The following ATG3 variants were observed in gnomAD, a reference collection of about 807,000 sequenced individuals.
ATG3 encodes the protein autophagy related 3.
Under a neutral mutation model 50.7 loss-of-function variants are expected in ATG3, and 25 were observed. The ratio of observed to expected loss-of-function variants is 0.49; its 90% CI spans 0.36 to 0.69. ATG3 has a LOEUF of 0.69. Ranked by LOEUF, ATG3 falls within the 30% of genes least tolerant of loss-of-function variation. ATG3 has a pLI of 0.00. For missense variants in ATG3, 281 were observed against 376.0 expected (o/e 0.75, Z 2.09); for synonymous variants, 119 against 125.5 (o/e 0.95, Z 0.34).
At chr3:112,539,120 A>G (rs902356722) in intron 7 of ATG3, among the ~76,000 whole-genome samples, 6 of 152,282 alleles carry the variant, frequency 3.9e-5, no homozygotes, top group South Asian at 4.1e-4. Flanking sequence ...CCAAGCCACC[A>G]TCATTTCTTG....
rs548096132 is a variant in ATG3, at chr3:112,560,726, T to TA, written c.72+730dup. On this transcript the variant is annotated intron_variant, in intron 1 of 11. Transcript: ENST00000283290. ...GAAGGCAGTTGTAGAAATTTACCTT[T>TA]AAAAAAAAAATCAGTCACTACTGTA... 1.9e-4 allele frequency among the ~76,000 whole-genome samples: 29 copies of TA among 150,668 alleles called. No individual in the cohort carries two copies. The East Asian group carries it at 1.9e-3, about 10-fold the overall frequency.
At chr3:112,550,904 A>G (rs1237240101) in intron 3 of ATG3, among the ~76,000 whole-genome samples, 1 of 152,254 alleles carries the variant, frequency 6.6e-6, no homozygotes, top group Non-Finnish European at 1.5e-5. Flanking sequence ...AGTAGAACAT[A>G]TAAATATCCC....
At chr3:112,553,465 G>A in intron 2 of ATG3, 136 bp from the exon 3 acceptor site, 1 of 628,638 alleles carries the variant, frequency 1.6e-6, no homozygotes, top group East Asian at 2.7e-5. Context: ...AATATAAACA[G>A]CAACAAAGCT....
At chr3:112,551,932 A>C (rs1933540745) in intron 3 of ATG3, among the ~76,000 whole-genome samples, 1 of 152,172 alleles carries the variant, frequency 6.6e-6, no homozygotes, top group South Asian at 2.1e-4. Flanking sequence ...ACAAACTTGA[A>C]ACTTTAGTCT....
rs1415708957 is a variant in ATG3 at position 112,537,550 on chromosome 3, C to A, written c.666+185G>T. 8.8e-6 allele frequency: 4 copies of A among 454,396 alleles called. No homozygotes were observed. The South Asian group carries it at 2.4e-4, about 28-fold the overall frequency. The allele number at this position is 454,396 out of a possible 1,614,324, so 28.1% of individuals were successfully genotyped here. ...TTTATGTCTTAGCATTATTGTTACA[C>A]TGAATAATTCATAGTTCATTCAAAA... On this transcript the variant is annotated intron_variant, in intron 9 of 11. Transcript: ENST00000283290.
At chr3:112,546,820 A>C (rs781691029) in intron 5 of ATG3, among the ~76,000 whole-genome samples, 1 of 152,190 alleles carries the variant, frequency 6.6e-6, no homozygotes, top group Non-Finnish European at 1.5e-5. Flanking sequence ...GAGTTAAAAG[A>C]CTTTCACTAC....
In ATG3 at chr3:112,548,538, TTGTGA is replaced by T; in HGVS notation, c.333_337del (p.Tyr111Ter). ...TCATTTTATTCTCCTCTTACCTGTG[TTGTGA>T]TATGTATCTACCCATCCGCCATCAC... On this transcript the variant is annotated stop_gained and frameshift_variant, in exon 5 of 12. Transcript: ENST00000283290. LOFTEE classifies it high-confidence loss of function. The T allele has an allele frequency of 6.2e-7, 1 of 1,605,538 alleles. No homozygotes were observed. Among genetic ancestry groups the T allele is most frequent in the Non-Finnish European group, 8.5e-7 (1 of 1,172,258 alleles).
chr3:112,534,070 A>ACATG (rs2082574308), intron 11 of ATG3, 199 bp downstream of exon 11: 2 of 1,305,336 alleles, frequency 1.5e-6, no homozygotes, highest in Non-Finnish European at 1.9e-6. Context: ...ACACATGGGG[A>ACATG]CATGTTCTAA....
intron 2 of ATG3, among the ~76,000 whole-genome samples, chr3:112,555,382 T>C (rs927779327): frequency 2.0e-5 from 3 of 152,218 alleles, no homozygotes; most frequent in South Asian, 2.1e-4. Flanking sequence ...TGTTCTCTTA[T>C]TATCTTTATT....
chr3:112,538,235 T>C (rs1404416640), intron 7 of ATG3, 55 bp from the exon 8 acceptor site: 16 of 1,367,810 alleles, frequency 1.2e-5, no homozygotes, highest in Admixed American at 2.3e-5. Flanking sequence ...GAAAATTCCC[T>C]AAACCAATTT....
chr3:112,548,244 CG>C (rs1933423950), intron 5 of ATG3, among the ~76,000 whole-genome samples: 2 of 152,010 alleles, frequency 1.3e-5, no homozygotes, highest in Non-Finnish European at 2.9e-5. Context: ...CCCAGCTACT[CG>C]GGAGGCTGAG....
At chr3:112,556,840 G>C (rs1273827450) in intron 2 of ATG3, among the ~76,000 whole-genome samples, 2 of 151,894 alleles carry the variant, frequency 1.3e-5, no homozygotes, top group East Asian at 1.9e-4. Context: ...TGCTCGTTAA[G>C]AGTCATCACC....
In ATG3 at chr3:112,561,383, G is replaced by T. The variant is rs1025560517; in HGVS notation, c.72+74C>A. On this transcript the variant is annotated intron_variant, in intron 1 of 11. Transcript: ENST00000283290. ...ACCTTGCCCCGCCGGAGAAAGCGGG[G>T]ACTCCTGCGGCGCCTGGTCCCTGAA... The T allele has an allele frequency of 1.9e-5, 28 of 1,486,204 alleles. No homozygotes were observed. In the South Asian group the frequency reaches 3.0e-4, roughly 16 times the overall value. 92.1% of individuals were successfully genotyped at this position (1,486,204 alleles called of 1,614,324 possible).
At chr3:112,534,066 G>A (rs941207402) in intron 11 of ATG3, 1 of 1,281,070 alleles carries the variant, frequency 7.8e-7, no homozygotes, top group Middle Eastern at 2.9e-4. Context: ...TGCTACACAT[G>A]GGGACATGTT....
intron 6 of ATG3, among the ~76,000 whole-genome samples, chr3:112,542,952 G>A (rs925884760): frequency 4.0e-5 from 6 of 151,812 alleles, no homozygotes; most frequent in South Asian, 2.1e-4. Flanking sequence ...TTATTTCTCC[G>A]TAAGTCATTC....
At chr3:112,539,694 T>C (rs1933174269) in intron 7 of ATG3, among the ~76,000 whole-genome samples, 1 of 152,192 alleles carries the variant, frequency 6.6e-6, no homozygotes, top group South Asian at 2.1e-4. Context: ...CCAAGGACAA[T>C]ACCTGATAAA....
intron 6 of ATG3, among the ~76,000 whole-genome samples, chr3:112,542,251 C>T (rs1215975155): frequency 6.6e-6 from 1 of 152,032 alleles, no homozygotes; most frequent in Non-Finnish European, 1.5e-5. Flanking sequence ...GGAAAAAGTG[C>T]ACATATCTGT....
intron 9 of ATG3, 97 bp downstream of exon 9, chr3:112,537,638 A>C: frequency 1.1e-6 from 1 of 900,988 alleles, no homozygotes; most frequent in South Asian, 2.6e-5. Flanking sequence ...CCAAAATGTG[A>C]AACACTGCAA....
Position 112,555,283 on chromosome 3 carries a change from T to C in ATG3, c.115-1954A>G, listed in dbSNP as rs993922182. Among the ~76,000 whole-genome samples the C allele has an allele frequency of 3.9e-5, 6 of 152,230 alleles. No homozygotes were observed. The South Asian group carries it at 1.0e-3, about 26-fold the overall frequency. On this transcript the variant is annotated intron_variant, in intron 2 of 11. Transcript: ENST00000283290. ...CTGCCCTCATTAGCAATGGCCATCATAACTTGCTTCACGTGTTCAAATGAT... is the reference window on the plus strand; with the variant it reads ...CTGCCCTCATTAGCAATGGCCATCACAACTTGCTTCACGTGTTCAAATGAT...
Sources: gnomAD v4.1 joint callset for allele counts (sites outside exome capture counted in the v4.1 genomes callset) on GRCh38, gnomAD v4.1.1 for gene constraint, MANE v1.5 for transcripts, NCBI Gene and HGNC (gene_info 2026-07-23, HGNC 2026-07-21) for gene names.